The following VWA5B1 variants were observed in gnomAD, a reference collection of about 807,000 sequenced individuals.
VWA5B1 encodes the protein von Willebrand factor A domain-containing protein 5B1.
VWA5B1 carries 115 observed loss-of-function variants against 118.2 expected under a neutral mutation model. The observed-to-expected ratio is 0.97, with a 90% CI of 0.84 to 1.14. The LOEUF (loss-of-function observed/expected upper bound fraction) is 1.14, where lower values mean the gene tolerates loss of function less well. Ranked by LOEUF, VWA5B1 falls within the 50% of genes most tolerant of loss-of-function variation. The probability of loss-of-function intolerance (pLI) is 0.00; values close to 1 mark genes in which losing one functional copy is unlikely to be tolerated. For missense variants in VWA5B1, 1,596 were observed against 1,603.8 expected, an observed-to-expected ratio of 1.00 and a Z score of 0.08; for synonymous variants, 682 against 658.4, an observed-to-expected ratio of 1.04 and a Z score of -0.55.
At position 20,310,663 on chromosome 1, in the gene VWA5B1, C is replaced by T; in HGVS notation, c.62C>T (p.Thr21Ile). The T allele has an allele frequency of 1.3e-6, 2 of 1,551,246 alleles. No individual in the cohort carries two copies. Among genetic ancestry groups the T allele is most frequent in the Non-Finnish European group, 1.7e-6 (2 of 1,146,826 alleles). The part of the protein sequence containing the change: ...AALPLTASDV[T>I]SCVSGYALGL... ...CTGCCCCTCACCGCGTCTGATGTTACCTCCTGTGTCAGCGGTTATGCCCTG... is the reference window on the plus strand; with the variant it reads ...CTGCCCCTCACCGCGTCTGATGTTATCTCCTGTGTCAGCGGTTATGCCCTG... The change falls in exon 2 of 22, where the codon ACC becomes ATC. Residue 21 changes from threonine (T) to isoleucine (I), a missense_variant. Transcript: ENST00000289815.
At chr1:20,309,907 C>CTGTGTGTGTGTG (rs59044353) in intron 1 of VWA5B1, among the ~76,000 whole-genome samples, 49 of 85,488 alleles carry the variant, frequency 5.7e-4, no homozygotes, top group Admixed American at 1.3e-3. Context: ...GATGGATTGG[C>CTGTGTGTGTGTG]TGTGTGTGTG....
chr1:20,326,387 T>C (rs2089381011), intron 8 of VWA5B1, among the ~76,000 whole-genome samples: 1 of 151,372 alleles, frequency 6.6e-6, no homozygotes, highest in South Asian at 2.1e-4. Flanking sequence ...GACATGGGGG[T>C]GAGGGGGAGA....
intron 8 of VWA5B1, among the ~76,000 whole-genome samples, chr1:20,326,461 T>TTTTTG (rs1052426483): frequency 2.0e-4 from 30 of 152,094 alleles, no homozygotes; most frequent in East Asian, 5.8e-4. Flanking sequence ...CTGTGGGGTT[T>TTTTTG]TTTTGTTTTG....
Position 20,353,892 on chromosome 1 carries a change from G to A in VWA5B1, c.3277G>A (p.Glu1093Lys), listed in dbSNP as rs1361903397. 3.2e-6 allele frequency: 5 copies of A among 1,547,982 alleles called. No homozygotes were observed. Among genetic ancestry groups the A allele is most frequent in the South Asian group, 1.2e-5 (1 of 83,260 alleles). Residue 1093 changes from glutamate (E) to lysine (K), a missense_variant, in exon 22 of 22, where the codon GAG (glutamate) becomes AAG (lysine). By Grantham distance (56) the Glu-to-Lys change is moderately conservative. Transcript: ENST00000289815. ...HRVSLTTRPSESKTPSPQLCT... is the reference protein window; with the variant it reads ...HRVSLTTRPSKSKTPSPQLCT... Reference sequence around the variant, plus strand: ...AGTGTCCCTCACCACCCGCCCGTCTGAGTCCAAGACCCCGAGTCCCCAGCT... The same window carrying A: ...AGTGTCCCTCACCACCCGCCCGTCTAAGTCCAAGACCCCGAGTCCCCAGCT...
At chr1:20,340,932 T>A (rs2089859365) in intron 14 of VWA5B1, among the ~76,000 whole-genome samples, 1 of 152,234 alleles carries the variant, frequency 6.6e-6, no homozygotes, top group Non-Finnish European at 1.5e-5. Flanking sequence ...TTAATTCACT[T>A]TTTAAATAAA....
chr1:20,337,129 T>C (rs1418437217), intron 13 of VWA5B1, among the ~76,000 whole-genome samples: 1 of 151,876 alleles, frequency 6.6e-6, no homozygotes, highest in African/African-American at 2.4e-5. Context: ...GTACCTTTTA[T>C]TTTATTTTTT....
At chr1:20,304,536 G>A (rs2088589871) in intron 1 of VWA5B1, among the ~76,000 whole-genome samples, 2 of 150,924 alleles carry the variant, frequency 1.3e-5, no homozygotes, top group South Asian at 2.1e-4. Flanking sequence ...AAGCCATTAC[G>A]CTAAGGAAAA....
rs1013411721 is a variant in VWA5B1, at chr1:20,310,613, G to C, written c.12G>C (p.Leu4Phe). The change falls in exon 2 of 22, where the codon TTG (leucine) becomes TTC (phenylalanine). Residue 4 changes from leucine to phenylalanine, a missense_variant. By Grantham distance (22) the Leu-to-Phe change is conservative. Transcript: ENST00000289815. Reference protein sequence around the residue: MPGLLNWITGAALP... With the variant: MPGFLNWITGAALP... ...GAGTAGCCAGCGGGATGCCCGGCTT[G>C]CTGAATTGGATCACGGGGGCAGCCC... is the stretch of plus-strand genomic sequence containing the variant. 2 of 1,540,604 alleles carry C rather than the reference G, an allele frequency of 1.3e-6. No individual in the cohort carries two copies. Among genetic ancestry groups the C allele is most frequent in the East Asian group, 2.5e-5 (1 of 40,434 alleles).
Position 20,291,359 on chromosome 1 carries a change from T to TTCTTTCTTTCTTTCTCTCTC in VWA5B1, c.-27+274_-27+275insTTCTTTCTTTCTCTCTCTCT, listed in dbSNP as rs1381113890. Among the ~76,000 whole-genome samples, 869 of 103,332 alleles carry TTCTTTCTTTCTTTCTCTCTC rather than the reference T, an allele frequency of 8.4e-3. 11 individuals are homozygous for TTCTTTCTTTCTTTCTCTCTC. The highest frequency in any genetic ancestry group is 0.03 in the South Asian group (88 of 2,918). The allele number at this position is 103,332 out of a possible 152,430, so 67.8% of individuals were successfully genotyped here. On this transcript the variant is annotated intron_variant, in intron 1 of 21. Transcript: ENST00000289815. ...TCTCTCTCTTTCTTTCTTTCTTTCTTTCTCTCTCTCTCTCTCTCTCTCTCT... is the reference window on the plus strand; with the variant it reads ...TCTCTCTCTTTCTTTCTTTCTTTCTTTCTTTCTTTCTTTCTCTCTCTCTCTCTCTCTCTCTCTCTCTCTCT...
rs1168383544 is a variant in VWA5B1 at position 20,353,859 on chromosome 1, T to G, written c.3244T>G (p.Cys1082Gly). 6.5e-7 allele frequency: 1 copy of G among 1,540,074 alleles called. No homozygotes were observed. The highest frequency in any genetic ancestry group is 8.8e-7 in the Non-Finnish European group (1 of 1,141,156). The change falls in exon 22 of 22, where the codon TGC becomes GGC. Residue 1082 changes from cysteine (C) to glycine (G), a missense_variant. Cys to Gly is a radical substitution (Grantham distance 159, BLOSUM62 -3). Transcript: ENST00000289815. Reference protein sequence around the residue: ...EKLKWTSPFTCHRVSLTTRPS... With the variant: ...EKLKWTSPFTGHRVSLTTRPS... ...GCTCAAGTGGACGTCCCCCTTCACC[T>G]GCCATCGAGTGTCCCTCACCACCCG...
chr1:20,335,046 C>T (rs2100951472), intron 12 of VWA5B1, among the ~76,000 whole-genome samples: 1 of 152,280 alleles, frequency 6.6e-6, no homozygotes, highest in South Asian at 2.1e-4. Context: ...TGGTGGCTCA[C>T]ACCTGTAATC....
chr1:20,317,662 A>T lies in VWA5B1; in HGVS notation c.696A>T (p.Pro232=), dbSNP rs1011567530. Reference sequence around the variant, plus strand: ...ACTTCCAGCTGGAGATCCGTGGGCCATGTCTGCTCGCAGGTGAGAGGGAGA... The same window carrying T: ...ACTTCCAGCTGGAGATCCGTGGGCCTTGTCTGCTCGCAGGTGAGAGGGAGA... The part of the protein sequence containing the change: ...EFNFQLEIRG[P]CLLAGVESPT... Residue 232 remains proline, a synonymous_variant, in exon 5 of 22, where the codon CCA becomes CCT. Coordinates refer to ENST00000289815, the MANE Select transcript of VWA5B1 (RefSeq NM_001039500.3). 33 of 1,550,218 alleles carry T rather than the reference A, an allele frequency of 2.1e-5. No individual in the cohort carries two copies. The highest frequency in any genetic ancestry group is 2.9e-5 in the Non-Finnish European group (33 of 1,146,204).
rs138474552 is a variant in VWA5B1 at position 20,296,505 on chromosome 1, CAAT to C, written c.-27+5418_-27+5420del. 3.2e-3 allele frequency among the ~76,000 whole-genome samples: 492 copies of C among 152,312 alleles called. 1 individual carries two copies. Among genetic ancestry groups the C allele is most frequent in the African/African-American group, 0.011 (474 of 41,574 alleles). On this transcript the variant is annotated intron_variant, in intron 1 of 21. Transcript: ENST00000289815. ...GAATGACAGAAGAGAATATGCACAA[CAAT>C]GAGTTCATGATAAGAAACTTTAATC...
chr1:20,291,165 A>AGTGTGTGTGTGTGT (rs71585753), intron 1 of VWA5B1, 77 bp downstream of exon 1: 1,601 of 134,904 alleles, frequency 0.012, 32 homozygotes, highest in East Asian at 0.015. Flanking sequence ...GGCATGCATG[A>AGTGTGTGTGTGTGT]GTGTGTGTGT....
chr1:20,317,099 T>C (rs1429867242), intron 4 of VWA5B1, among the ~76,000 whole-genome samples: 1 of 135,982 alleles, frequency 7.4e-6, no homozygotes, highest in Non-Finnish European at 1.5e-5. Flanking sequence ...GAGCTTGCAG[T>C]GAGCCAAGAT....
chr1:20,326,077 TCTC>T (rs1201715705), intron 8 of VWA5B1, among the ~76,000 whole-genome samples: 2 of 152,156 alleles, frequency 1.3e-5, no homozygotes, highest in Admixed American at 1.3e-4. Flanking sequence ...ATCAGCAGAA[TCTC>T]CTCCTAGCAG....
intron 1 of VWA5B1, among the ~76,000 whole-genome samples, chr1:20,295,817 A>G (rs980623444): frequency 6.6e-6 from 1 of 152,068 alleles, no homozygotes; most frequent in Non-Finnish European, 1.5e-5. Flanking sequence ...GGCCCCATGG[A>G]GGAGTCTGCT....
chr1:20,312,787 T>C (rs1463363877), intron 2 of VWA5B1, 49 bp from the exon 3 acceptor site: 5 of 1,508,900 alleles, frequency 3.3e-6, no homozygotes, highest in Non-Finnish European at 3.6e-6. Flanking sequence ...GCAAGGGGTG[T>C]GCAGGGTAGG....
chr1:20,324,612 G>A (rs1352359348), intron 8 of VWA5B1, among the ~76,000 whole-genome samples: 1 of 152,116 alleles, frequency 6.6e-6, no homozygotes, highest in African/African-American at 2.4e-5. Flanking sequence ...AAGGAAGGAG[G>A]GGGCAAGAAC....
Sources: allele counts gnomAD v4.1 joint callset (sites outside exome capture counted in the v4.1 genomes callset), GRCh38; gene constraint gnomAD v4.1.1; transcripts MANE v1.5; gene names NCBI Gene and HGNC (gene_info 2026-07-23, HGNC 2026-07-21).